The following TAOK1 variants were observed in gnomAD, a reference collection of about 807,000 sequenced individuals.
TAOK1 encodes serine/threonine-protein kinase TAO1.
In TAOK1, 21 loss-of-function variants were observed where a neutral mutation model predicts 138.3. The observed-to-expected ratio is 0.15, with a 90% CI of 0.11 to 0.22. TAOK1 has a LOEUF of 0.22. Among genes scored for constraint, TAOK1 ranks in the 10% least tolerant of loss-of-function variants. The pLI, the probability that TAOK1 is intolerant of heterozygous loss-of-function variation, is 1.00. For missense variants in TAOK1, 651 were observed against 1,227.7 expected (o/e 0.53, Z 7.02); for synonymous variants, 361 against 398.4 (o/e 0.91, Z 1.12).
chr17:29,425,966 C>T (rs191281795), intron 1 of TAOK1, among the ~76,000 whole-genome samples: 48 of 152,304 alleles, frequency 3.2e-4, no homozygotes, highest in South Asian at 2.3e-3. Flanking sequence ...CTGCAAGCTC[C>T]GCCTTCTGGG....
At chr17:29,479,481 A>G (rs557462546) in intron 6 of TAOK1, among the ~76,000 whole-genome samples, 18 of 152,094 alleles carry the variant, frequency 1.2e-4, no homozygotes, top group Non-Finnish European at 1.5e-5. Context: ...ATAGGTTATC[A>G]TTTTTTAACA....
intron 6 of TAOK1, chr17:29,480,049 T>C: frequency 6.0e-6 from 1 of 167,756 alleles, no homozygotes. Context: ...GTTTGCTAAT[T>C]GCAATATATT....
chr17:29,496,085 GT>G (rs1405793770), intron 11 of TAOK1, among the ~76,000 whole-genome samples: 5 of 151,590 alleles, frequency 3.3e-5, no homozygotes, highest in African/African-American at 9.7e-5. Flanking sequence ...CACTGAACCT[GT>G]TTTTTTATTT....
intron 2 of TAOK1, among the ~76,000 whole-genome samples, chr17:29,453,801 G>GTTT (rs151078375): frequency 7.1e-6 from 1 of 141,788 alleles, no homozygotes. Context: ...ATTCACTTAG[G>GTTT]TTTTTTTGTT....
chr17:29,494,898 C>A (rs1349339544), intron 10 of TAOK1, among the ~76,000 whole-genome samples: 2 of 149,284 alleles, frequency 1.3e-5, no homozygotes, highest in Non-Finnish European at 3.0e-5. Flanking sequence ...ATATGTCTTT[C>A]TGGAATTTAC....
At chr17:29,420,777 G>C (rs1443480896) in intron 1 of TAOK1, among the ~76,000 whole-genome samples, 1 of 151,734 alleles carries the variant, frequency 6.6e-6, no homozygotes, top group African/African-American at 2.4e-5. Context: ...TAGAGACAGG[G>C]TTTCTCCATG....
intron 12 of TAOK1, among the ~76,000 whole-genome samples, chr17:29,501,220 TTA>T (rs1491259950): frequency 0.022 from 1,976 of 88,460 alleles, 45 homozygotes; most frequent in African/African-American, 0.075. Flanking sequence ...CCCCATCTGT[TTA>T]AAAAAAAAAA....
At chr17:29,519,077 CAT>C (rs1236277218) in intron 16 of TAOK1, among the ~76,000 whole-genome samples, 1 of 151,974 alleles carries the variant, frequency 6.6e-6, no homozygotes, top group Non-Finnish European at 1.5e-5. Flanking sequence ...TTGATTTTTA[CAT>C]ATGAGGAAAT....
intron 2 of TAOK1, among the ~76,000 whole-genome samples, chr17:29,454,581 A>G (rs1300344887): frequency 2.0e-5 from 3 of 152,188 alleles, no homozygotes; most frequent in African/African-American, 2.4e-5. Context: ...CTTCTGATCC[A>G]TGAACACAGA....
At chr17:29,420,305 A>G (rs1354557414) in intron 1 of TAOK1, among the ~76,000 whole-genome samples, 2 of 152,094 alleles carry the variant, frequency 1.3e-5, no homozygotes, top group Non-Finnish European at 2.9e-5. Flanking sequence ...AAGTGCTGGG[A>G]TTACAAGAAT....
intron 1 of TAOK1, among the ~76,000 whole-genome samples, chr17:29,418,947 T>TTA (rs1555557975): frequency 0.042 from 5,571 of 132,490 alleles, 161 homozygotes; most frequent in Middle Eastern, 0.12. Context: ...TTTTTTTTTT[T>TTA]ATGTATGTTT....
intron 19 of TAOK1, among the ~76,000 whole-genome samples, chr17:29,542,334 A>G (rs1222830255): frequency 1.3e-5 from 2 of 152,072 alleles, no homozygotes; most frequent in African/African-American, 4.8e-5. Flanking sequence ...CTTCACCACT[A>G]CGCAATATGT....
intron 1 of TAOK1, among the ~76,000 whole-genome samples, chr17:29,414,212 G>A (rs1482246868): frequency 6.6e-6 from 1 of 151,114 alleles, no homozygotes; most frequent in East Asian, 2.0e-4. Flanking sequence ...TTAGCATAGT[G>A]TTTTTGGAGC....
chr17:29,448,596 TC>T (rs1204079229), intron 1 of TAOK1, among the ~76,000 whole-genome samples: 3 of 152,192 alleles, frequency 2.0e-5, no homozygotes, highest in African/African-American at 7.2e-5. Context: ...AACAAGTATT[TC>T]AATTCCCTAA....
chr17:29,421,209 G>A (rs577144558), intron 1 of TAOK1, among the ~76,000 whole-genome samples: 28 of 152,288 alleles, frequency 1.8e-4, no homozygotes, highest in African/African-American at 6.5e-4. Context: ...GATTACAGGC[G>A]TGAGCCACCG....
chr17:29,397,763 A>T (rs114996311), intron 1 of TAOK1, among the ~76,000 whole-genome samples: 1 of 139,322 alleles, frequency 7.2e-6, no homozygotes, highest in African/African-American at 2.7e-5. Flanking sequence ...GTATGTATAT[A>T]TGTATACATG....
intron 6 of TAOK1, 107 bp downstream of exon 6, chr17:29,478,454 A>G (rs1351485698): frequency 1.2e-5 from 8 of 682,292 alleles, no homozygotes; most frequent in Non-Finnish European, 1.8e-5. Context: ...CAAATAAAAT[A>G]ATATAAGCTC....
intron 1 of TAOK1, among the ~76,000 whole-genome samples, chr17:29,439,138 T>C (rs1024964878): frequency 6.6e-6 from 1 of 152,050 alleles, no homozygotes; most frequent in Non-Finnish European, 1.5e-5. Flanking sequence ...AGCAGCGATA[T>C]AGTATTCTTA....
intron 1 of TAOK1, among the ~76,000 whole-genome samples, chr17:29,440,414 A>G (rs1390837129): frequency 6.6e-6 from 1 of 152,142 alleles, no homozygotes; most frequent in East Asian, 1.9e-4. Flanking sequence ...ACAACCCCCC[A>G]AAAGTGGCTA....
Sources: allele counts gnomAD v4.1 joint callset (sites outside exome capture counted in the v4.1 genomes callset), GRCh38; gene constraint gnomAD v4.1.1; transcripts MANE v1.5; gene names NCBI Gene and HGNC (gene_info 2026-07-23, HGNC 2026-07-21).